CNTNAP5: variants seen among roughly 807,000 people sequenced by gnomAD.
CNTNAP5 encodes the protein contactin-associated protein-like 5.
In CNTNAP5, 72 loss-of-function variants were observed where a neutral mutation model predicts 150.2. The observed-to-expected ratio is 0.48, with a 90% CI of 0.40 to 0.58. The LOEUF (loss-of-function observed/expected upper bound fraction) is 0.58, where lower values mean the gene tolerates loss of function less well. CNTNAP5 is among the 20% of genes least tolerant of loss of function. The pLI, the probability that CNTNAP5 is intolerant of heterozygous loss-of-function variation, is 0.00. For synonymous variants in CNTNAP5, 672 were observed against 619.8 expected, an observed-to-expected ratio of 1.08 and a Z score of -1.25; for missense variants, 1,636 against 1,626.2, an observed-to-expected ratio of 1.01 and a Z score of -0.10.
At chr2:124,442,769 A>G (rs2104802281) in intron 5 of CNTNAP5, among the ~76,000 whole-genome samples, 1 of 152,384 alleles carries the variant, frequency 6.6e-6, no homozygotes, top group Middle Eastern at 3.4e-3. Flanking sequence ...AAAGAAAGGC[A>G]AAAAGATATT....
intron 12 of CNTNAP5, among the ~76,000 whole-genome samples, chr2:124,642,846 T>C (rs1351339618): frequency 6.6e-6 from 1 of 152,222 alleles, no homozygotes; most frequent in Non-Finnish European, 1.5e-5. Context: ...AAAGATCTCA[T>C]AGCTTTATGA....
intron 19 of CNTNAP5, among the ~76,000 whole-genome samples, chr2:124,826,063 C>A (rs933462457): frequency 6.6e-6 from 1 of 151,830 alleles, no homozygotes; most frequent in East Asian, 1.9e-4. Context: ...AACATAATTG[C>A]ATAATGAAAT....
intron 12 of CNTNAP5, among the ~76,000 whole-genome samples, chr2:124,614,053 AC>A (rs1168925546): frequency 1.3e-5 from 2 of 152,196 alleles, no homozygotes; most frequent in Admixed American, 6.5e-5. Context: ...CACTTGTCAG[AC>A]TTTTAACAAT....
intron 3 of CNTNAP5, among the ~76,000 whole-genome samples, chr2:124,251,527 A>G (rs1427733698): frequency 6.6e-6 from 1 of 151,812 alleles, no homozygotes; most frequent in East Asian, 1.9e-4. Flanking sequence ...ATCTCCCCAA[A>G]GAATCATGGA....
chr2:124,843,845 G>T (rs1682993912), intron 19 of CNTNAP5, among the ~76,000 whole-genome samples: 1 of 151,854 alleles, frequency 6.6e-6, no homozygotes, highest in African/African-American at 2.4e-5. Flanking sequence ...CCCACTTTTT[G>T]ATGAGATTGT....
chr2:124,868,334 A>T (rs1677674414), intron 20 of CNTNAP5, among the ~76,000 whole-genome samples: 1 of 151,828 alleles, frequency 6.6e-6, no homozygotes, highest in Non-Finnish European at 1.5e-5. Flanking sequence ...TGCTTCTCTA[A>T]CCTCATCTGA....
chr2:124,763,613 A>G, intron 14 of CNTNAP5, 59 bp from the exon 15 acceptor site: 1 of 1,540,838 alleles, frequency 6.5e-7, no homozygotes, highest in South Asian at 1.2e-5. Flanking sequence ...GGTCATGGAA[A>G]AGAGTCCCTA....
intron 3 of CNTNAP5, among the ~76,000 whole-genome samples, chr2:124,271,994 C>A (rs1051481021): frequency 6.6e-6 from 1 of 152,068 alleles, no homozygotes; most frequent in Non-Finnish European, 1.5e-5. Flanking sequence ...GGATTACAGG[C>A]GGGAGCCACT....
chr2:124,643,140 G>C (rs188956038), intron 12 of CNTNAP5, among the ~76,000 whole-genome samples: 5 of 152,294 alleles, frequency 3.3e-5, no homozygotes, highest in Admixed American at 3.3e-4. Flanking sequence ...TTAGTGAAGT[G>C]GCCCTATTTC....
At chr2:124,790,497 A>G (rs1200965082) in intron 18 of CNTNAP5, among the ~76,000 whole-genome samples, 1 of 152,262 alleles carries the variant, frequency 6.6e-6, no homozygotes, top group Non-Finnish European at 1.5e-5. Flanking sequence ...AAAGAATTGT[A>G]GAATCTAGCC....
At chr2:124,223,446 C>T (rs1211087920) in intron 2 of CNTNAP5, among the ~76,000 whole-genome samples, 8 of 152,090 alleles carry the variant, frequency 5.3e-5, no homozygotes, top group African/African-American at 1.9e-4. Context: ...ATCAGACTTG[C>T]ATATCCAAAA....
At chr2:124,356,855 A>C (rs1054448252) in intron 3 of CNTNAP5, among the ~76,000 whole-genome samples, 2 of 151,408 alleles carry the variant, frequency 1.3e-5, no homozygotes, top group African/African-American at 2.4e-5. Flanking sequence ...TGGTATTTCT[A>C]GTTCTAGATC....
Position 124,413,986 on chromosome 2 carries a change from G to T in CNTNAP5, c.382-3457G>T, listed in dbSNP as rs1168916505. On this transcript the variant is annotated intron_variant, in intron 3 of 23. Transcript: ENST00000682447. ...TGAGAGATGGAGTGAGGAGGGGAAG[G>T]TAAGAGAGATTTGAGGCTATTTCTT... Among the ~76,000 whole-genome samples, 2 of 151,948 alleles carry T rather than the reference G, an allele frequency of 1.3e-5. 1 individual carries two copies.
At chr2:124,178,090 A>G (rs1852902) in intron 1 of CNTNAP5, among the ~76,000 whole-genome samples, 149,088 of 152,126 alleles carry the variant, frequency 0.98, 73,136 homozygotes, top group East Asian at 1. Flanking sequence ...TACGTGATCC[A>G]CCCGCCTCGG....
At chr2:124,353,170 T>G (rs1689916535) in intron 3 of CNTNAP5, among the ~76,000 whole-genome samples, 1 of 151,600 alleles carries the variant, frequency 6.6e-6, no homozygotes, top group South Asian at 2.1e-4. Context: ...AATTCTTCTA[T>G]GAATCAATAC....
intron 1 of CNTNAP5, among the ~76,000 whole-genome samples, chr2:124,082,459 T>G (rs1047239903): frequency 2.0e-5 from 3 of 152,118 alleles, no homozygotes; most frequent in African/African-American, 7.2e-5. Context: ...AAGTATCAAC[T>G]ATTTATTTTT....
intron 2 of CNTNAP5, among the ~76,000 whole-genome samples, chr2:124,226,777 G>A (rs896241629): frequency 6.6e-6 from 1 of 151,964 alleles, no homozygotes; most frequent in Non-Finnish European, 1.5e-5. Context: ...GGCAGATTTG[G>A]TCAGGGTCCT....
At chr2:124,522,716 TGATTG>T (rs1411014611) in intron 8 of CNTNAP5, among the ~76,000 whole-genome samples, 3 of 152,222 alleles carry the variant, frequency 2.0e-5, no homozygotes, top group Non-Finnish European at 4.4e-5. Flanking sequence ...GACCTCTGGG[TGATTG>T]GATCCTCTTT....
At chr2:124,663,128 A>G (rs1339193551) in intron 13 of CNTNAP5, among the ~76,000 whole-genome samples, 1 of 152,212 alleles carries the variant, frequency 6.6e-6, no homozygotes, top group Non-Finnish European at 1.5e-5. Context: ...TAAGTAAAGT[A>G]AGAACCATGT....
Sources: gnomAD v4.1 joint callset for allele counts (sites outside exome capture counted in the v4.1 genomes callset) on GRCh38, gnomAD v4.1.1 for gene constraint, MANE v1.5 for transcripts, NCBI Gene and HGNC (gene_info 2026-07-23, HGNC 2026-07-21) for gene names.